PHC3: variants seen among roughly 807,000 people sequenced by gnomAD.
PHC3 encodes the protein polyhomeotic-like protein 3.
In PHC3, 13 loss-of-function variants were observed where a neutral mutation model predicts 107.4. The ratio of observed to expected loss-of-function variants is 0.12; its 90% CI spans 0.08 to 0.19. PHC3 has a LOEUF of 0.19. Among genes scored for constraint, PHC3 ranks in the 10% least tolerant of loss-of-function variants. The pLI is 1.00. For missense variants in PHC3, 992 were observed against 1,210.9 expected (o/e 0.82, Z 2.68); for synonymous variants, 456 against 427.4 (o/e 1.07, Z -0.83).
intron 7 of PHC3, among the ~76,000 whole-genome samples, chr3:170,135,136 GT>G (rs746236015): frequency 6.6e-6 from 1 of 151,314 alleles, no homozygotes; most frequent in South Asian, 2.1e-4. Flanking sequence ...AACAAAGGAA[GT>G]TTTTTGTTTG....
intron 7 of PHC3, among the ~76,000 whole-genome samples, chr3:170,133,785 A>G (rs1391317019): frequency 1.3e-5 from 2 of 152,212 alleles, no homozygotes; most frequent in African/African-American, 2.4e-5. Flanking sequence ...ATATTATCAC[A>G]CTATTAATGA....
At chr3:170,176,725 C>T (rs183456278) in intron 2 of PHC3, 9 of 199,170 alleles carry the variant, frequency 4.5e-5, no homozygotes, top group East Asian at 1.2e-4. Context: ...ATGTTTGGCA[C>T]GTAGCAATTA....
At chr3:170,181,443 G>A (rs1278759344) in intron 1 of PHC3, among the ~76,000 whole-genome samples, 1 of 152,138 alleles carries the variant, frequency 6.6e-6, no homozygotes, top group Non-Finnish European at 1.5e-5. Context: ...AGTCCCAAGG[G>A]TGACCCTGCG....
intron 8 of PHC3, among the ~76,000 whole-genome samples, chr3:170,123,317 T>C (rs1185640921): frequency 6.6e-6 from 1 of 151,148 alleles, no homozygotes; most frequent in Admixed American, 6.6e-5. Flanking sequence ...ACTCTTTATA[T>C]ATAATATGCA....
chr3:170,128,281 T>C (rs1577076726), intron 8 of PHC3: 1 of 1,062,528 alleles, frequency 9.4e-7, no homozygotes, highest in Non-Finnish European at 1.2e-6. Context: ...TTAGGCTAGA[T>C]AAACCATACG....
intron 14 of PHC3, among the ~76,000 whole-genome samples, chr3:170,100,849 T>C (rs139182217): frequency 0.012 from 1,856 of 152,234 alleles, 40 homozygotes; most frequent in African/African-American, 0.042. Flanking sequence ...CAACTACTTT[T>C]CTCAGGATAT....
intron 4 of PHC3, among the ~76,000 whole-genome samples, chr3:170,159,053 C>T (rs1363836722): frequency 1.9e-4 from 29 of 151,816 alleles, no homozygotes; most frequent in Non-Finnish European, 1.5e-5. Flanking sequence ...AGATCGAGAC[C>T]ATCCTGGCTA....
chr3:170,146,877 CTTTTTTTTTT>C (rs1035803336), intron 5 of PHC3, among the ~76,000 whole-genome samples: 3 of 98,008 alleles, frequency 3.1e-5, no homozygotes, highest in Admixed American at 1.1e-4. Flanking sequence ...TCTATTTTTT[CTTTTTTTTTT>C]TTTTTTTTTT....
intron 11 of PHC3, among the ~76,000 whole-genome samples, chr3:170,107,525 T>C (rs2108300767): frequency 6.6e-6 from 1 of 152,216 alleles, no homozygotes; most frequent in Non-Finnish European, 1.5e-5. Context: ...AGAAGAATCG[T>C]TTGAGACAAG....
chr3:170,161,343 T>C (rs1727858379), intron 4 of PHC3, among the ~76,000 whole-genome samples: 1 of 152,188 alleles, frequency 6.6e-6, no homozygotes, highest in Admixed American at 6.5e-5. Context: ...TACCACACAC[T>C]GGGTCACTTA....
intron 8 of PHC3, among the ~76,000 whole-genome samples, chr3:170,123,350 A>T (rs2108426796): frequency 5.2e-5 from 1 of 19,364 alleles, no homozygotes; most frequent in South Asian, 2.3e-3. Flanking sequence ...CTTTCCTTGA[A>T]ATGCATACAC....
chr3:170,117,427 T>C lies in PHC3; in HGVS notation c.1992A>G (p.Lys664=). 2 of 1,613,880 alleles carry C rather than the reference T, an allele frequency of 1.2e-6. No individual in the cohort carries two copies. Among genetic ancestry groups the C allele is most frequent in the Non-Finnish European group, 1.7e-6 (2 of 1,179,828 alleles). Residue 664 remains lysine, a synonymous_variant, in exon 10 of 15, where the codon AAA becomes AAG. Transcript: ENST00000495893. ...AVASVSASVI[K]SPSDPSHVSV... is the part of the protein sequence containing the mutation. ...AAACATGTGAGGGATCTGATGGAGA[T>C]TTAATTACTGAAGCACTGACTGATG...
chr3:170,102,745 C>A (rs771247212), intron 13 of PHC3, 35 bp from the exon 14 acceptor site: 1 of 1,613,250 alleles, frequency 6.2e-7, no homozygotes, highest in South Asian at 1.1e-5. Flanking sequence ...TACAGCATTG[C>A]ACTTTCCTTG....
In PHC3 at chr3:170,095,495, A is replaced by G. The variant is rs969824524; in HGVS notation, c.*1735T>C. The G allele has an allele frequency of 6.6e-6, 1 of 152,276 alleles. No homozygotes were observed. Among genetic ancestry groups the G allele is most frequent in the African/African-American group, 2.4e-5 (1 of 41,566 alleles). The allele number at this position is 152,276 out of a possible 1,614,324, so 9.4% of individuals were successfully genotyped here. A position where few individuals can be genotyped will look rare whatever the true frequency, so the allele number is the denominator to read the frequency against. On this transcript the variant is annotated 3_prime_UTR_variant, in exon 15 of 15. Transcript: ENST00000495893. ...AATCAACATTCTCTAATGTACACAA[A>G]GCCAAAAGATAAATATAGTATCTGT...
rs149344952 is a variant in PHC3, at chr3:170,118,434, C to T, written c.1943-958G>A. Among the ~76,000 whole-genome samples the T allele has an allele frequency of 7.6e-3, 1,153 of 152,020 alleles. 19 individuals carry two copies. Among genetic ancestry groups the T allele is most frequent in the African/African-American group, 0.027 (1,109 of 41,480 alleles). On this transcript the variant is annotated intron_variant, in intron 9 of 14. Coordinates refer to ENST00000495893, the MANE Select transcript of PHC3 (RefSeq NM_024947.4). ...CTGGAAAATTTTTATTTTTTTGAGACGGAGTCTCGCTCTGTCACCCAGGCT... is the reference window on the plus strand; with the variant it reads ...CTGGAAAATTTTTATTTTTTTGAGATGGAGTCTCGCTCTGTCACCCAGGCT...
At position 170,163,255 on chromosome 3, in the gene PHC3, TA is replaced by T. The variant is rs541395748; in HGVS notation, c.414+8117del. Among the ~76,000 whole-genome samples, 303 of 142,310 alleles carry T rather than the reference TA, an allele frequency of 2.1e-3. 2 individuals carry two copies. Among genetic ancestry groups the T allele is most frequent in the East Asian group, 8.3e-3 (41 of 4,946 alleles). 93.4% of individuals were successfully genotyped at this position (142,310 alleles called of 152,430 possible). Reference sequence around the variant, plus strand: ...GTCTAGCATCATAACTAGAAAGTCATAAAAAAAAAAAAGTTTTTTCCCTTTC... The same window carrying T: ...GTCTAGCATCATAACTAGAAAGTCATAAAAAAAAAAAGTTTTTTCCCTTTC... On this transcript the variant is annotated intron_variant, in intron 4 of 14. Transcript: ENST00000495893.
At position 170,113,419 on chromosome 3, in the gene PHC3, T is replaced by C. The variant is rs777909800; in HGVS notation, c.2294A>G (p.Asn765Ser). ...NSVCVQPELQ[N>S]NTKHADNSSD... ...TGAATTATCCGCATGTTTTGTATTA[T>C]TCTGTAGCTCTGGCTGAACACACAC... The change falls in exon 11 of 15, where the codon AAT becomes AGT. Residue 765 changes from asparagine (N) to serine (S), a missense_variant. Physicochemically the swap from Asn to Ser is conservative, Grantham distance 46. Coordinates refer to ENST00000495893, the MANE Select transcript of PHC3 (RefSeq NM_024947.4). 6.2e-7 allele frequency: 1 copy of C among 1,613,386 alleles called. No homozygotes were observed. Among genetic ancestry groups the C allele is most frequent in the Non-Finnish European group, 8.5e-7 (1 of 1,179,628 alleles).
chr3:170,098,658 T>A (rs988251099), intron 14 of PHC3, among the ~76,000 whole-genome samples: 4 of 152,154 alleles, frequency 2.6e-5, no homozygotes, highest in Non-Finnish European at 5.9e-5. Flanking sequence ...GTAAGAGTAA[T>A]ACAAACATTT....
chr3:170,180,944 G>T (rs1361619447), intron 1 of PHC3, among the ~76,000 whole-genome samples: 1 of 152,140 alleles, frequency 6.6e-6, no homozygotes, highest in African/African-American at 2.4e-5. Flanking sequence ...CACCGTCTAG[G>T]CATACTAATA....
Sources: allele counts gnomAD v4.1 joint callset (sites outside exome capture counted in the v4.1 genomes callset), GRCh38; gene constraint gnomAD v4.1.1; transcripts MANE v1.5; gene names NCBI Gene and HGNC (gene_info 2026-07-23, HGNC 2026-07-21).